The following ARAP2 variants were observed in gnomAD, a reference collection of about 807,000 sequenced individuals.
ARAP2 encodes the protein ArfGAP with RhoGAP domain, ankyrin repeat and PH domain 2.
ARAP2 carries 148 observed loss-of-function variants against 194.5 expected under a neutral mutation model. The observed-to-expected ratio is 0.76, with a 90% CI of 0.67 to 0.87. The LOEUF is 0.87. ARAP2 is among the 40% of genes least tolerant of loss of function. The pLI is 0.00. For synonymous variants in ARAP2, 695 were observed against 683.5 expected (o/e 1.02, Z -0.26); for missense variants, 2,128 against 1,989.7 (o/e 1.07, Z -1.32).
In ARAP2 at chr4:36,100,216, T is replaced by TA. The variant is rs774474564; in HGVS notation, c.4285+7348dup. On this transcript the variant is annotated intron_variant, in intron 27 of 32. Coordinates refer to ENST00000303965, the MANE Select transcript of ARAP2 (RefSeq NM_015230.4). ...GGAAGATGACATAAAATAATGTAAG[T>TA]AAAGCATTTAGCCCAGCGCACATAG... is the stretch of plus-strand genomic sequence containing the variant. 2.2e-4 allele frequency among the ~76,000 whole-genome samples: 33 copies of TA among 152,162 alleles called. 1 individual carries two copies. The highest frequency in any genetic ancestry group is 4.0e-4 in the Non-Finnish European group (27 of 67,980).
chr4:36,069,197 A>G (rs1322698673), intron 32 of ARAP2, among the ~76,000 whole-genome samples: 1 of 152,244 alleles, frequency 6.6e-6, no homozygotes, highest in East Asian at 1.9e-4. Flanking sequence ...ACATAAATTT[A>G]TAACAGAAAA....
intron 27 of ARAP2, among the ~76,000 whole-genome samples, chr4:36,095,365 G>C (rs991681290): frequency 2.0e-5 from 3 of 152,110 alleles, no homozygotes; most frequent in Non-Finnish European, 2.9e-5. Context: ...TGACATTCAA[G>C]TTAGATAATT....
rs993529995 is a variant in ARAP2 at position 36,067,783 on chromosome 4, T to C, written c.*124A>G. The C allele has an allele frequency of 1.5e-5, 16 of 1,037,568 alleles. No individual in the cohort carries two copies. In the African/African-American group the frequency reaches 2.1e-4, roughly 14 times the overall value. The allele number at this position is 1,037,568 out of a possible 1,614,324, so 64.3% of individuals were successfully genotyped here. ...TAAATGCTCCTTAAATGCCTAAGCA[T>C]AGACAAATTTGCCTATCAATAGGCA... is the stretch of plus-strand genomic sequence containing the variant. On this transcript the variant is annotated 3_prime_UTR_variant, in exon 33 of 33. Coordinates refer to ENST00000303965, the MANE Select transcript of ARAP2 (RefSeq NM_015230.4).
chr4:36,072,688 A>C (rs1220318376), intron 32 of ARAP2, among the ~76,000 whole-genome samples: 22 of 150,288 alleles, frequency 1.5e-4, no homozygotes, highest in Admixed American at 3.3e-4. Context: ...CCCCAAAAAA[A>C]ACAAAAAAAA....
At chr4:36,209,348 G>T in intron 6 of ARAP2, 1 of 450,030 alleles carries the variant, frequency 2.2e-6, no homozygotes, top group South Asian at 1.6e-5. Flanking sequence ...AATGTAACCA[G>T]AAAGAAGTGA....
intron 6 of ARAP2, among the ~76,000 whole-genome samples, chr4:36,018,455 A>C (rs1716287153): frequency 6.6e-6 from 1 of 152,082 alleles, no homozygotes; most frequent in Admixed American, 6.6e-5. Context: ...CTCAAAAAAA[A>C]AAAAAAAAAC....
intron 27 of ARAP2, among the ~76,000 whole-genome samples, chr4:36,106,977 A>G (rs549756935): frequency 5.1e-4 from 77 of 152,106 alleles, no homozygotes; most frequent in African/African-American, 1.8e-3. Context: ...AAGTTTCAAA[A>G]TAAAAATTTT....
chr4:36,036,985 G>T (rs986257091), intron 5 of ARAP2, among the ~76,000 whole-genome samples: 2 of 152,024 alleles, frequency 1.3e-5, no homozygotes, highest in African/African-American at 2.4e-5. Context: ...GGATTATAAA[G>T]GTAGTTTTCA....
intron 1 of ARAP2, among the ~76,000 whole-genome samples, chr4:36,058,473 A>G (rs1033714691): frequency 1.3e-5 from 2 of 152,182 alleles, no homozygotes; most frequent in Admixed American, 6.5e-5. Flanking sequence ...GATTCTTTAA[A>G]TTTATGCAGA....
At chr4:36,186,861 A>G (rs1740681654) in intron 8 of ARAP2, among the ~76,000 whole-genome samples, 2 of 152,250 alleles carry the variant, frequency 1.3e-5, no homozygotes, top group Admixed American at 1.3e-4. Context: ...AAGCTCAGGG[A>G]TCCCACTGAT....
chr4:36,094,400 G>GA (rs1714632091), intron 27 of ARAP2, among the ~76,000 whole-genome samples: 1 of 152,002 alleles, frequency 6.6e-6, no homozygotes, highest in Non-Finnish European at 1.5e-5. Context: ...GCCTTTTACG[G>GA]AAAAAAGCTT....
intron 28 of ARAP2, among the ~76,000 whole-genome samples, chr4:36,088,095 T>C: frequency 6.6e-6 from 1 of 152,136 alleles, no homozygotes; most frequent in East Asian, 1.9e-4. Context: ...TCATTACTAC[T>C]ACCACCAACT....
chr4:36,039,274 C>A (rs943204659), intron 5 of ARAP2, among the ~76,000 whole-genome samples: 13 of 152,198 alleles, frequency 8.5e-5, no homozygotes, highest in African/African-American at 3.1e-4. Flanking sequence ...ATTTCCTGTT[C>A]TGGAGTCACC....
Position 36,160,657 on chromosome 4 carries a change from A to T in ARAP2, c.2260-16T>A. 3 of 1,444,428 alleles carry T rather than the reference A, an allele frequency of 2.1e-6. No individual in the cohort carries two copies. Among genetic ancestry groups the T allele is most frequent in the Non-Finnish European group, 2.7e-6 (3 of 1,102,882 alleles). 89.5% of individuals were successfully genotyped at this position (1,444,428 alleles called of 1,614,324 possible). A position where few individuals can be genotyped will look rare whatever the true frequency, so the allele number is the denominator to read the frequency against. On this transcript the variant is annotated splice_polypyrimidine_tract_variant and intron_variant, in intron 12 of 32. Coordinates refer to ENST00000303965, the MANE Select transcript of ARAP2 (RefSeq NM_015230.4). ...CAATAAAAAGCTGAATTGTCAAAAA[A>T]AAAACCCCATAATATATCAGTTCAT...
In ARAP2 at chr4:36,117,056, C is replaced by T. The variant is rs748065707; in HGVS notation, c.4038+5G>A. 2 of 1,578,432 alleles carry T rather than the reference C, an allele frequency of 1.3e-6. No homozygotes were observed. The highest frequency in any genetic ancestry group is 1.7e-6 in the Non-Finnish European group (2 of 1,163,552). ...GTCCTCTTTACATCCACCTTTAGAA[C>T]TTACCCGAATTATAATACTACAGTC... is the stretch of plus-strand genomic sequence containing the variant. On this transcript the variant is annotated splice_donor_5th_base_variant and intron_variant, in intron 25 of 32. Coordinates refer to ENST00000303965, the MANE Select transcript of ARAP2 (RefSeq NM_015230.4).
At chr4:36,235,103 T>C (rs1048951601) in intron 1 of ARAP2, among the ~76,000 whole-genome samples, 1 of 152,146 alleles carries the variant, frequency 6.6e-6, no homozygotes, top group Non-Finnish European at 1.5e-5. Context: ...TCAGTAACAC[T>C]ACCTATCTAC....
At chr4:36,117,366 T>G (rs1165571544) in intron 24 of ARAP2, among the ~76,000 whole-genome samples, 1 of 151,744 alleles carries the variant, frequency 6.6e-6, no homozygotes, top group African/African-American at 2.4e-5. Context: ...GATTTTCTTT[T>G]TTATCTCTTA....
At chr4:36,042,146 C>T (rs1171495629) in intron 5 of ARAP2, among the ~76,000 whole-genome samples, 1 of 151,990 alleles carries the variant, frequency 6.6e-6, no homozygotes, top group African/African-American at 2.4e-5. Flanking sequence ...ATGTAACAAA[C>T]CTTCACATGT....
At chr4:36,114,066 T>C in intron 26 of ARAP2, 104 bp downstream of exon 26, 1 of 880,932 alleles carries the variant, frequency 1.1e-6, no homozygotes, top group Non-Finnish European at 1.8e-6. Context: ...GTAAAAAAAA[T>C]CATAACAAGA....
Sources: gnomAD v4.1 joint callset for allele counts (sites outside exome capture counted in the v4.1 genomes callset) on GRCh38, gnomAD v4.1.1 for gene constraint, MANE v1.5 for transcripts, NCBI Gene and HGNC (gene_info 2026-07-23, HGNC 2026-07-21) for gene names.